The following PTDSS2 variants were observed in gnomAD, a reference collection of about 807,000 sequenced individuals.
PTDSS2 encodes the protein PSS-2.
A neutral mutation model predicts 64.7 loss-of-function variants in PTDSS2; 41 were observed. That is an observed-to-expected ratio of 0.63 (90% CI 0.49 to 0.82). PTDSS2 has a LOEUF of 0.82. PTDSS2 is among the 40% of genes least tolerant of loss of function. PTDSS2 has a pLI of 0.00. For synonymous variants in PTDSS2, 297 were observed against 277.8 expected, an observed-to-expected ratio of 1.07 and a Z score of -0.69; for missense variants, 485 against 650.0, an observed-to-expected ratio of 0.75 and a Z score of 2.76.
intron 2 of PTDSS2, among the ~76,000 whole-genome samples, chr11:467,548 G>A (rs1424189814): frequency 2.7e-5 from 4 of 150,704 alleles, no homozygotes; most frequent in Non-Finnish European, 5.9e-5. Context: ...ACGAGGTCAG[G>A]AGATCAAGAC....
In PTDSS2 at chr11:485,552, C is replaced by T. The variant is rs111965149; in HGVS notation, c.436-1387C>T. Among the ~76,000 whole-genome samples, 754 of 93,742 alleles carry T rather than the reference C, an allele frequency of 8.0e-3. 27 individuals carry two copies. Among genetic ancestry groups the T allele is most frequent in the African/African-American group, 0.039 (714 of 18,128 alleles). The allele number at this position is 93,742 out of a possible 152,430, so 61.5% of individuals were successfully genotyped here. A position where few individuals can be genotyped will look rare whatever the true frequency, so the allele number is the denominator to read the frequency against. ...TGCGCAGGCGAGTGTAAACAGTGCA[C>T]GGGCGCGTGTGCTCACCGTGTGCGC... On this transcript the variant is annotated intron_variant, in intron 4 of 11. Coordinates refer to ENST00000308020, the MANE Select transcript of PTDSS2 (RefSeq NM_030783.3).
chr11:489,160 C>T (rs1271095521), intron 8 of PTDSS2, among the ~76,000 whole-genome samples: 1 of 152,176 alleles, frequency 6.6e-6, no homozygotes, highest in East Asian at 1.9e-4. Context: ...AGCAGAGGGC[C>T]GTGGAGAAGC....
At chr11:457,553 T>C (rs954588608) in intron 1 of PTDSS2, among the ~76,000 whole-genome samples, 3 of 152,226 alleles carry the variant, frequency 2.0e-5, no homozygotes, top group African/African-American at 7.2e-5. Flanking sequence ...CTTTGAGATC[T>C]ATCCACGTTG....
intron 8 of PTDSS2, 75 bp from the exon 9 acceptor site, chr11:489,325 C>G: frequency 1.6e-6 from 2 of 1,275,250 alleles, no homozygotes; most frequent in Non-Finnish European, 2.2e-6. Context: ...TGACCAGGAA[C>G]AGTCTGTTGC....
Position 450,468 on chromosome 11 carries a change from G to C in PTDSS2, c.13G>C (p.Glu5Gln), listed in dbSNP as rs1323458213. ...GGGCCGAAACGCCATGCGGAGGGGC[G>C]AGCGCAGGGACGCCGGAGGTCCGCG... MRRG[E>Q]RRDAGGPRPE... Residue 5 changes from glutamate (E) to glutamine (Q), a missense_variant, in exon 1 of 12, where the codon GAG (glutamate) becomes CAG (glutamine). By Grantham distance (29) the Glu-to-Gln change is conservative (BLOSUM62 2). Coordinates refer to ENST00000308020, the MANE Select transcript of PTDSS2 (RefSeq NM_030783.3). The C allele has an allele frequency of 2.4e-6, 3 of 1,230,554 alleles. No individual in the cohort carries two copies. Among genetic ancestry groups the C allele is most frequent in the Non-Finnish European group, 3.1e-6 (3 of 983,302 alleles). 76.2% of individuals were successfully genotyped at this position (1,230,554 alleles called of 1,614,324 possible).
intron 1 of PTDSS2, among the ~76,000 whole-genome samples, chr11:452,424 A>C (rs1846377798): frequency 6.6e-6 from 1 of 152,260 alleles, no homozygotes; most frequent in Admixed American, 6.5e-5. Flanking sequence ...AAGCAGGAGC[A>C]GCAGCCCAAA....
At chr11:489,789 C>T in intron 10 of PTDSS2, 56 bp downstream of exon 10, 17 of 1,575,146 alleles carry the variant, frequency 1.1e-5, no homozygotes, top group Non-Finnish European at 1.5e-5. Flanking sequence ...GGCCGGAGGG[C>T]TGGGGAGCAG....
rs11823439 is a variant in PTDSS2 at position 488,024 on chromosome 11, T to G, written c.622-175T>G. Among the ~76,000 whole-genome samples, 111 of 83,574 alleles carry G rather than the reference T, an allele frequency of 1.3e-3. 1 individual carries two copies. Among genetic ancestry groups the G allele is most frequent in the African/African-American group, 3.2e-3 (57 of 17,616 alleles). 54.8% of individuals were successfully genotyped at this position (83,574 alleles called of 152,430 possible). A position where few individuals can be genotyped will look rare whatever the true frequency, so the allele number is the denominator to read the frequency against. On this transcript the variant is annotated intron_variant, in intron 6 of 11. Transcript: ENST00000308020. ...CCCGTGGGCAGGGCCGGGCGTGGCC[T>G]GCGTCCCATACTCTGGCTGCCAGCC...
rs1288576138 is a variant in PTDSS2 at position 488,277 on chromosome 11, C to T, written c.700C>T (p.Gln234Ter). The change falls in exon 7 of 12, where the codon CAG becomes TAG. Residue 234 changes from glutamine to a stop codon, truncating the protein, a stop_gained. Coordinates refer to ENST00000308020, the MANE Select transcript of PTDSS2 (RefSeq NM_030783.3). LOFTEE classifies it high-confidence loss of function. ...FEFLEYSLEH[Q>*]LPNFSECWWD... ...GTTCCTGGAGTACAGCCTGGAGCAC[C>T]AGCTGCCCAACTTCAGCGAGTGCTG... 4 of 1,613,264 alleles carry T rather than the reference C, an allele frequency of 2.5e-6. No individual in the cohort carries two copies. The African/African-American group carries it at 4.0e-5, about 16-fold the overall frequency.
chr11:485,125 GCTCA>G (rs1237312440), intron 4 of PTDSS2, among the ~76,000 whole-genome samples: 5 of 129,100 alleles, frequency 3.9e-5, no homozygotes, highest in South Asian at 2.5e-4. Context: ...GGGCGCGTGT[GCTCA>G]CTGTGTGCGC....
chr11:462,671 C>G lies in PTDSS2; in HGVS notation c.284+2383C>G, dbSNP rs1590624726. Among the ~76,000 whole-genome samples, 1 of 152,142 alleles carries G rather than the reference C, an allele frequency of 6.6e-6. No individual in the cohort carries two copies. The highest frequency in any genetic ancestry group is 1.9e-4 in the East Asian group (1 of 5,182). On this transcript the variant is annotated intron_variant, in intron 2 of 11. Transcript: ENST00000308020. The surrounding 1 kb of genome is among the most constrained non-coding windows in gnomAD (Gnocchi z 4.5). ...CTGAGTCCATTCTCATGGCCTGGAC[C>G]CGCACTGCTGCACACCAGAAGCCCA... is the stretch of plus-strand genomic sequence containing the variant.
intron 4 of PTDSS2, among the ~76,000 whole-genome samples, chr11:482,628 A>G (rs898484181): frequency 1.3e-5 from 2 of 152,176 alleles, no homozygotes; most frequent in African/African-American, 2.4e-5. Context: ...GGACATTCTT[A>G]TCTGATTCCT....
At chr11:453,939 C>T (rs1201901771) in intron 1 of PTDSS2, among the ~76,000 whole-genome samples, 2 of 152,242 alleles carry the variant, frequency 1.3e-5, no homozygotes, top group Non-Finnish European at 2.9e-5. Context: ...CAGCTCTGTT[C>T]TGTGTCTGAT....
At chr11:450,726 C>T in intron 1 of PTDSS2, 89 bp downstream of exon 1, 1 of 1,112,734 alleles carries the variant, frequency 9.0e-7, no homozygotes, top group Non-Finnish European at 1.1e-6. Context: ...CGGCAGCGCC[C>T]TCTCGCCGTC....
chr11:471,787 A>G (rs866432959), intron 2 of PTDSS2, among the ~76,000 whole-genome samples: 2,337 of 47,456 alleles, frequency 0.049, 30 homozygotes, highest in African/African-American at 0.074. Context: ...GGGGTGACGC[A>G]GATGGTGGCC....
upstream of PTDSS2, chr11:450,183 C>A: frequency 8.9e-6 from 3 of 335,890 alleles, no homozygotes; most frequent in Non-Finnish European, 1.6e-5. Context: ...CTCCGGTTTC[C>A]CAGCAACCAG....
intron 2 of PTDSS2, among the ~76,000 whole-genome samples, chr11:473,633 T>C (rs1847583662): frequency 6.6e-6 from 1 of 152,136 alleles, no homozygotes; most frequent in South Asian, 2.1e-4. Context: ...TGAGCGCGAA[T>C]GTCCAGCCCA....
In PTDSS2 at chr11:457,936, C is replaced by T. The variant is rs190086432; in HGVS notation, c.183-2251C>T. The stretch of plus-strand genomic sequence containing the variant: ...CTCTGCATTGTGATGTTCTTAATTT[C>T]AGCCGTTCCAGCAGATGTGCACTGA... On this transcript the variant is annotated intron_variant, in intron 1 of 11. Coordinates refer to ENST00000308020, the MANE Select transcript of PTDSS2 (RefSeq NM_030783.3). Among the ~76,000 whole-genome samples the T allele has an allele frequency of 3.5e-4, 54 of 152,332 alleles. No individual in the cohort carries two copies. The East Asian group carries it at 6.5e-3, about 18-fold the overall frequency.
chr11:484,287 C>T (rs1848198949), intron 4 of PTDSS2, among the ~76,000 whole-genome samples: 1 of 152,240 alleles, frequency 6.6e-6, no homozygotes, highest in South Asian at 2.1e-4. Context: ...GACATCCTGA[C>T]TTCCTAGCAC....
Sources: gnomAD v4.1 joint callset for allele counts (sites outside exome capture counted in the v4.1 genomes callset) on GRCh38, gnomAD v4.1.1 for gene constraint, Gnocchi (gnomAD v3.1) non-coding constraint, MANE v1.5 for transcripts, NCBI Gene and HGNC (gene_info 2026-07-23, HGNC 2026-07-21) for gene names.